Variants in NIN observed in about 807,000 individuals in gnomAD.
NIN encodes the protein glycogen synthase kinase 3 beta-interacting protein.
Under a neutral mutation model 257.6 loss-of-function variants are expected in NIN, and 137 were observed. The ratio of observed to expected loss-of-function variants is 0.53; its 90% CI spans 0.46 to 0.61. The LOEUF is 0.61. Among genes scored for constraint, NIN ranks in the 20% least tolerant of loss-of-function variants. The pLI is 0.00. For missense variants in NIN, 2,439 were observed against 2,501.2 expected, an observed-to-expected ratio of 0.98 and a Z score of 0.53; for synonymous variants, 918 against 919.8, an observed-to-expected ratio of 1.00 and a Z score of 0.04.
In NIN at chr14:50,770,641, A is replaced by G; in HGVS notation, c.1260-79T>C. 3 of 1,503,990 alleles carry G rather than the reference A, an allele frequency of 2.0e-6. No individual in the cohort carries two copies. The South Asian group carries it at 3.6e-5, about 18-fold the overall frequency. 93.2% of individuals were successfully genotyped at this position (1,503,990 alleles called of 1,614,324 possible). ...ATCAATCTACCAAAAATGGAAACACAGAGGCACAGAGATGAAAAGCACCTG... is the reference window on the plus strand; with the variant it reads ...ATCAATCTACCAAAAATGGAAACACGGAGGCACAGAGATGAAAAGCACCTG... On this transcript the variant is annotated intron_variant, in intron 11 of 30. Transcript: ENST00000530997.
chr14:50,815,673 A>G (rs956184626), intron 3 of NIN, among the ~76,000 whole-genome samples: 1 of 152,240 alleles, frequency 6.6e-6, no homozygotes, highest in Non-Finnish European at 1.5e-5. Context: ...GGATAAAGAA[A>G]ATGTGGTACA....
At chr14:50,743,225 C>A (rs1477373257) in intron 24 of NIN, among the ~76,000 whole-genome samples, 191 bp downstream of exon 24, 2 of 152,124 alleles carry the variant, frequency 1.3e-5, no homozygotes, top group Admixed American at 6.5e-5. Context: ...TCACCTCGGC[C>A]TCCCAAAGTG....
chr14:50,818,318 C>CAAAAAAAA (rs5808573), intron 3 of NIN, among the ~76,000 whole-genome samples: 1 of 81,682 alleles, frequency 1.2e-5, no homozygotes, highest in Non-Finnish European at 2.5e-5. Context: ...GAGACTCTGT[C>CAAAAAAAA]AAAAAAAAAA....
In NIN at chr14:50,725,942, G is replaced by T. The variant is rs897529297; in HGVS notation, c.6192+11C>A. ...TGAGGTGGGTGAACAGAGATGACCG[G>T]GTAGGCTCACTTGTTCTTTGAGCTG... On this transcript the variant is annotated intron_variant, in intron 30 of 30. Transcript: ENST00000530997. 1 of 1,613,828 alleles carries T rather than the reference G, an allele frequency of 6.2e-7. No individual in the cohort carries two copies. Among genetic ancestry groups the T allele is most frequent in the South Asian group, 1.1e-5 (1 of 91,062 alleles).
intron 2 of NIN, among the ~76,000 whole-genome samples, chr14:50,829,235 T>A (rs1426302302): frequency 1.3e-5 from 2 of 152,208 alleles, no homozygotes; most frequent in Non-Finnish European, 2.9e-5. Context: ...CAGCCTGTAA[T>A]GTTCCTCCTA....
At chr14:50,817,671 G>T (rs1392343714) in intron 3 of NIN, among the ~76,000 whole-genome samples, 1 of 152,110 alleles carries the variant, frequency 6.6e-6, no homozygotes, top group Non-Finnish European at 1.5e-5. Context: ...ATATAGCAAT[G>T]CAACTCCTCA....
chr14:50,804,795 G>GA lies in NIN; in HGVS notation c.265+1941dup, dbSNP rs774580395. On this transcript the variant is annotated intron_variant, in intron 4 of 30. Transcript: ENST00000530997. Reference sequence around the variant, plus strand: ...ACACTAATGATTGCTGATGAGCTAGGAAAAAAAAAAAAGGTCCATGCATAA... The same window carrying GA: ...ACACTAATGATTGCTGATGAGCTAGGAAAAAAAAAAAAAGGTCCATGCATAA... 3.9e-3 allele frequency among the ~76,000 whole-genome samples: 560 copies of GA among 142,156 alleles called. 8 individuals are homozygous for GA. Among genetic ancestry groups the GA allele is most frequent in the African/African-American group, 0.013 (501 of 38,964 alleles). The allele number at this position is 142,156 out of a possible 152,430, so 93.3% of individuals were successfully genotyped here.
chr14:50,797,777 A>G (rs1192983877), intron 4 of NIN, among the ~76,000 whole-genome samples: 2 of 152,122 alleles, frequency 1.3e-5, no homozygotes, highest in African/African-American at 4.8e-5. Context: ...AGATATGGAG[A>G]GAGAATGAGA....
chr14:50,801,811 A>C (rs1276884875), intron 4 of NIN, among the ~76,000 whole-genome samples: 1 of 152,228 alleles, frequency 6.6e-6, no homozygotes, highest in East Asian at 1.9e-4. Flanking sequence ...TACCAAAACA[A>C]TGCCTGGTCC....
At chr14:50,799,216 C>T (rs933170798) in intron 4 of NIN, among the ~76,000 whole-genome samples, 17 of 152,090 alleles carry the variant, frequency 1.1e-4, no homozygotes, top group African/African-American at 3.6e-4. Flanking sequence ...TTGGGAGTGC[C>T]GAACCTCATG....
At chr14:50,804,449 T>A (rs2044233432) in intron 4 of NIN, among the ~76,000 whole-genome samples, 1 of 152,186 alleles carries the variant, frequency 6.6e-6, no homozygotes, top group African/African-American at 2.4e-5. Flanking sequence ...CAATAAGTAC[T>A]TTTCTGCTGC....
At chr14:50,767,066 A>G (rs537356265) in intron 12 of NIN, among the ~76,000 whole-genome samples, 176 bp from the exon 13 acceptor site, 2 of 152,358 alleles carry the variant, frequency 1.3e-5, no homozygotes, top group South Asian at 4.1e-4. Context: ...CTATTTTATA[A>G]CAACAAAATA....
chr14:50,827,889 G>A (rs2045535843), intron 2 of NIN, among the ~76,000 whole-genome samples: 1 of 151,456 alleles, frequency 6.6e-6, no homozygotes, highest in Non-Finnish European at 1.5e-5. Flanking sequence ...CTATCCTGAA[G>A]GATGTAATAA....
intron 4 of NIN, among the ~76,000 whole-genome samples, chr14:50,805,146 C>A (rs1595904069): frequency 6.6e-6 from 1 of 152,310 alleles, no homozygotes; most frequent in East Asian, 1.9e-4. Context: ...GCACACAGAA[C>A]CCTGAAGTTA....
intron 23 of NIN, 54 bp from the exon 24 acceptor site, chr14:50,743,583 C>A: frequency 9.4e-7 from 1 of 1,065,086 alleles, no homozygotes; most frequent in Non-Finnish European, 1.5e-6. Context: ...ACATAGCTAG[C>A]CTTAATTTAT....
At chr14:50,774,090 G>A (rs1336435640) in intron 7 of NIN, among the ~76,000 whole-genome samples, 5 of 152,210 alleles carry the variant, frequency 3.3e-5, no homozygotes, top group Non-Finnish European at 7.3e-5. Flanking sequence ...CTGGTGGTGT[G>A]GGGATTCAGA....
intron 4 of NIN, among the ~76,000 whole-genome samples, chr14:50,799,439 C>G (rs2043985546): frequency 6.6e-6 from 1 of 152,222 alleles, no homozygotes; most frequent in Non-Finnish European, 1.5e-5. Flanking sequence ...AAGAGTCTCT[C>G]AGTCCTCAAT....
chr14:50,750,986 C>A (rs147332020), intron 21 of NIN, among the ~76,000 whole-genome samples: 3 of 152,080 alleles, frequency 2.0e-5, no homozygotes, highest in Admixed American at 2.0e-4. Context: ...TTTTTAATAT[C>A]CCTTTCTTAC....
intron 7 of NIN, among the ~76,000 whole-genome samples, chr14:50,776,207 T>G (rs75974508): frequency 0.014 from 2,188 of 152,268 alleles, 23 homozygotes; most frequent in Middle Eastern, 0.031. Flanking sequence ...TAGAATTATT[T>G]CTATTCTTAT....
Sources: gnomAD v4.1 joint callset for allele counts (sites outside exome capture counted in the v4.1 genomes callset) on GRCh38, gnomAD v4.1.1 for gene constraint, MANE v1.5 for transcripts, NCBI Gene and HGNC (gene_info 2026-07-23, HGNC 2026-07-21) for gene names.